MYO3B: variants seen among roughly 807,000 people sequenced by gnomAD.
The protein encoded by MYO3B is myosin-IIIb.
In MYO3B, 156 loss-of-function variants were observed where a neutral mutation model predicts 174.6. The observed-to-expected ratio is 0.89, with a 90% CI of 0.78 to 1.02. MYO3B has a LOEUF of 1.02. MYO3B is among the 50% of genes least tolerant of loss of function. The pLI is 0.00. For synonymous variants in MYO3B, 563 were observed against 569.1 expected (o/e 0.99, Z 0.15); for missense variants, 1,632 against 1,639.4 (o/e 1.00, Z 0.08).
intron 32 of MYO3B, among the ~76,000 whole-genome samples, chr2:170,629,957 G>T (rs751698577): frequency 5.3e-5 from 8 of 152,146 alleles, no homozygotes; most frequent in Non-Finnish European, 1.2e-4. Context: ...GGCCAAATAG[G>T]AACAGCTCCA....
intron 7 of MYO3B, among the ~76,000 whole-genome samples, chr2:170,315,711 A>C: frequency 6.6e-6 from 1 of 152,228 alleles, no homozygotes; most frequent in East Asian, 1.9e-4. Context: ...TTTAACACTC[A>C]TTTGATTTCT....
intron 32 of MYO3B, among the ~76,000 whole-genome samples, chr2:170,622,069 C>A (rs566625351): frequency 6.6e-6 from 1 of 152,294 alleles, no homozygotes; most frequent in East Asian, 1.9e-4. Context: ...ACCTTTAAAT[C>A]GGCTCCACCC....
chr2:170,190,180 A>T (rs183957031), intron 1 of MYO3B, among the ~76,000 whole-genome samples: 2 of 152,244 alleles, frequency 1.3e-5, no homozygotes, highest in Non-Finnish European at 2.9e-5. Context: ...CTCTTTCCTT[A>T]CTTTCTCCCA....
chr2:170,273,732 C>T (rs2093441926), intron 7 of MYO3B, among the ~76,000 whole-genome samples: 2 of 117,748 alleles, frequency 1.7e-5, no homozygotes, highest in Admixed American at 1.0e-4. Flanking sequence ...TCCTCAAACC[C>T]GTCAAGCAGG....
chr2:170,224,159 G>C (rs972095290), intron 6 of MYO3B, among the ~76,000 whole-genome samples: 1 of 151,630 alleles, frequency 6.6e-6, no homozygotes, highest in Non-Finnish European at 1.5e-5. Context: ...ACTGAGGACT[G>C]ACTCTATACC....
At chr2:170,373,926 T>C (rs550978954) in intron 9 of MYO3B, among the ~76,000 whole-genome samples, 2 of 151,964 alleles carry the variant, frequency 1.3e-5, no homozygotes, top group East Asian at 3.9e-4. Flanking sequence ...ATGAGGAATA[T>C]GATAAAGGGT....
At chr2:170,341,292 C>T (rs2093975275) in intron 8 of MYO3B, 1 of 152,148 alleles carries the variant, frequency 6.6e-6, no homozygotes, top group Non-Finnish European at 1.5e-5. Flanking sequence ...CTGCTTAATT[C>T]CACATGGCTT....
chr2:170,453,113 A>G (rs1053183197), intron 23 of MYO3B, among the ~76,000 whole-genome samples: 6 of 152,216 alleles, frequency 3.9e-5, no homozygotes, highest in African/African-American at 1.4e-4. Flanking sequence ...CCACATGGTC[A>G]CATGGTTAAG....
chr2:170,440,624 G>A (rs191157929), intron 22 of MYO3B, among the ~76,000 whole-genome samples: 9 of 151,556 alleles, frequency 5.9e-5, no homozygotes, highest in South Asian at 2.1e-4. Flanking sequence ...TTGGTGGCGC[G>A]TGCCTCTAAT....
Position 170,489,404 on chromosome 2 carries a change from C to G in MYO3B, c.3015-9188C>G, listed in dbSNP as rs575763480. 2.0e-5 allele frequency among the ~76,000 whole-genome samples: 3 copies of G among 152,076 alleles called. No homozygotes were observed. In the South Asian group the frequency reaches 6.2e-4, roughly 32 times the overall value. ...TGGGGTGTCCTAGATCCCCAGTGTG[C>G]GGTGCAGAAGCCCCCAAATCTGTGG... On this transcript the variant is annotated intron_variant, in intron 25 of 34. Coordinates refer to ENST00000408978, the MANE Select transcript of MYO3B (RefSeq NM_138995.5).
chr2:170,362,826 A>C (rs148764341), intron 8 of MYO3B, among the ~76,000 whole-genome samples: 66 of 152,344 alleles, frequency 4.3e-4, no homozygotes, highest in African/African-American at 1.5e-3. Flanking sequence ...GTGATGTTTC[A>C]CAGAAATACC....
chr2:170,311,582 G>A (rs1009158956), intron 7 of MYO3B, among the ~76,000 whole-genome samples: 2 of 150,104 alleles, frequency 1.3e-5, no homozygotes, highest in Admixed American at 1.3e-4. Context: ...TCTTGGTGAT[G>A]TCCTTTGAAA....
intron 28 of MYO3B, among the ~76,000 whole-genome samples, chr2:170,508,351 A>G (rs1377898764): frequency 6.6e-6 from 1 of 152,214 alleles, no homozygotes; most frequent in East Asian, 1.9e-4. Flanking sequence ...AAACAATTTC[A>G]TGTAGAATCA....
intron 22 of MYO3B, among the ~76,000 whole-genome samples, chr2:170,426,911 T>G (rs1199912179): frequency 6.6e-6 from 1 of 151,792 alleles, no homozygotes; most frequent in East Asian, 1.9e-4. Flanking sequence ...CCCAGCTACT[T>G]GGGAGACTGA....
At chr2:170,372,482 A>G (rs1455396599) in intron 9 of MYO3B, among the ~76,000 whole-genome samples, 1 of 152,208 alleles carries the variant, frequency 6.6e-6, no homozygotes, top group East Asian at 1.9e-4. Context: ...AATGTTTAAA[A>G]TATCCCATTT....
In MYO3B at chr2:170,631,467, A is replaced by G. The variant is rs1489531158; in HGVS notation, c.3734-20161A>G. ...ATGGGGAGAATGGAACCAAGCTGGA[A>G]AACCCTCTTCAGGATATTACCCAGG... On this transcript the variant is annotated intron_variant, in intron 32 of 34. Transcript: ENST00000408978. 2.6e-5 allele frequency among the ~76,000 whole-genome samples: 4 copies of G among 152,228 alleles called. No homozygotes were observed. In the East Asian group the frequency reaches 7.7e-4, roughly 29 times the overall value.
chr2:170,306,069 CAT>C (rs1440016844), intron 7 of MYO3B, among the ~76,000 whole-genome samples: 1 of 152,192 alleles, frequency 6.6e-6, no homozygotes, highest in African/African-American at 2.4e-5. Flanking sequence ...TGGTTTCACT[CAT>C]ATGCCTGGGT....
At chr2:170,635,273 T>A (rs1697362563) in intron 32 of MYO3B, among the ~76,000 whole-genome samples, 1 of 152,204 alleles carries the variant, frequency 6.6e-6, no homozygotes, top group African/African-American at 2.4e-5. Flanking sequence ...CATGGAATAC[T>A]ATGCAGCCAT....
At chr2:170,197,527 T>C (rs2092614212) in intron 1 of MYO3B, among the ~76,000 whole-genome samples, 1 of 152,212 alleles carries the variant, frequency 6.6e-6, no homozygotes, top group South Asian at 2.1e-4. Flanking sequence ...CGTGAAGTTA[T>C]ATCCCTTCTT....
Sources: gnomAD v4.1 joint callset for allele counts (sites outside exome capture counted in the v4.1 genomes callset) on GRCh38, gnomAD v4.1.1 for gene constraint, MANE v1.5 for transcripts, NCBI Gene and HGNC (gene_info 2026-07-23, HGNC 2026-07-21) for gene names.